The following MPRIP variants were observed in gnomAD, a reference collection of about 807,000 sequenced individuals.
MPRIP encodes myosin phosphatase Rho-interacting protein.
MPRIP carries 59 observed loss-of-function variants against 234.9 expected under a neutral mutation model. The observed-to-expected ratio is 0.25, with a 90% CI of 0.20 to 0.31. The LOEUF is 0.31. Among genes scored for constraint, MPRIP ranks in the 10% least tolerant of loss-of-function variants. The pLI is 1.00. For missense variants in MPRIP, 2,436 were observed against 3,071.0 expected, an observed-to-expected ratio of 0.79 and a Z score of 4.89; for synonymous variants, 1,144 against 1,263.9, an observed-to-expected ratio of 0.91 and a Z score of 2.01.
intron 1 of MPRIP, among the ~76,000 whole-genome samples, chr17:17,067,813 T>A (rs1005424285): frequency 3.5e-5 from 5 of 142,922 alleles, no homozygotes; most frequent in Admixed American, 2.0e-4. Flanking sequence ...TTTTTTTTTT[T>A]TAACAATTAT....
At chr17:17,168,189 G>A (rs141692881) in intron 16 of MPRIP, 7 of 312,786 alleles carry the variant, frequency 2.2e-5, no homozygotes, top group South Asian at 1.3e-4. Context: ...GCACTTCCCT[G>A]CCTGCCTAAT....
At chr17:17,060,587 C>T (rs2088839578) in intron 1 of MPRIP, among the ~76,000 whole-genome samples, 1 of 152,196 alleles carries the variant, frequency 6.6e-6, no homozygotes, top group Admixed American at 6.5e-5. Flanking sequence ...ATGCCCTAAG[C>T]CCTGGGGTCA....
At chr17:17,084,082 C>T (rs548992456) in intron 3 of MPRIP, among the ~76,000 whole-genome samples, 1 of 152,226 alleles carries the variant, frequency 6.6e-6, no homozygotes, top group Non-Finnish European at 1.5e-5. Flanking sequence ...TCGGAGCTTT[C>T]CCAGGCAGGC....
chr17:17,112,394 C>G (rs971847377), intron 3 of MPRIP, among the ~76,000 whole-genome samples: 1 of 152,200 alleles, frequency 6.6e-6, no homozygotes, highest in African/African-American at 2.4e-5. Context: ...TCTCTTCCCC[C>G]CGTATCATGA....
chr17:17,091,678 G>GA (rs1353349920), intron 3 of MPRIP, among the ~76,000 whole-genome samples: 1 of 152,200 alleles, frequency 6.6e-6, no homozygotes, highest in African/African-American at 2.4e-5. Context: ...CCTGCTTAAA[G>GA]AGGCAGGGTT....
chr17:17,182,887 A>G (rs540492863), intron 23 of MPRIP: 1 of 152,532 alleles, frequency 6.6e-6, no homozygotes, highest in African/African-American at 2.4e-5. Flanking sequence ...TCCCCCAGCC[A>G]TGCTCCGGGG....
In MPRIP at chr17:17,187,258, T is replaced by C. The variant is rs903304416; in HGVS notation, c.*2364T>C. On this transcript the variant is annotated 3_prime_UTR_variant, in exon 24 of 24. Coordinates refer to ENST00000651222, the MANE Select transcript of MPRIP (RefSeq NM_001364716.4). ...GCTGGACTTCAGGAATCCTGGAAAATTAATATGAGTGCAGCATGTGAGGGG... is the reference window on the plus strand; with the variant it reads ...GCTGGACTTCAGGAATCCTGGAAAACTAATATGAGTGCAGCATGTGAGGGG... 2.0e-5 allele frequency: 3 copies of C among 152,114 alleles called. No homozygotes were observed. The highest frequency in any genetic ancestry group is 7.2e-5 in the African/African-American group (3 of 41,406). The allele number at this position is 152,114 out of a possible 1,614,324, so 9.4% of individuals were successfully genotyped here.
Position 17,174,090 on chromosome 17 carries a change from A to G in MPRIP, c.6750+15A>G. On this transcript the variant is annotated intron_variant, in intron 19 of 23. Coordinates refer to ENST00000651222, the MANE Select transcript of MPRIP (RefSeq NM_001364716.4). ...CCCACAACCAGGTGAGCCTGCAGCCAGGTGAGCCCAAGGTTAGTCAGGGGC... is the reference window on the plus strand; with the variant it reads ...CCCACAACCAGGTGAGCCTGCAGCCGGGTGAGCCCAAGGTTAGTCAGGGGC... 1.2e-6 allele frequency: 2 copies of G among 1,612,266 alleles called. No individual in the cohort carries two copies. Among genetic ancestry groups the G allele is most frequent in the Non-Finnish European group, 8.5e-7 (1 of 1,179,282 alleles).
intron 1 of MPRIP, among the ~76,000 whole-genome samples, chr17:17,063,297 C>A (rs539029600): frequency 1.3e-5 from 2 of 152,256 alleles, no homozygotes; most frequent in East Asian, 3.9e-4. Flanking sequence ...TCATTGGAGC[C>A]CAACTTTGTA....
At chr17:17,045,379 A>AG (rs1238842783) in intron 1 of MPRIP, among the ~76,000 whole-genome samples, 2 of 152,206 alleles carry the variant, frequency 1.3e-5, no homozygotes, top group Admixed American at 1.3e-4. Flanking sequence ...AACCTCTTGC[A>AG]GGGACTGTAT....
chr17:17,154,474 A>G, intron 13 of MPRIP, 59 bp downstream of exon 13: 2 of 1,451,146 alleles, frequency 1.4e-6, no homozygotes, highest in East Asian at 4.5e-5. Flanking sequence ...CACTCCCGCC[A>G]GGGCAGTGTC....
chr17:17,142,304 T>G, intron 7 of MPRIP: 1 of 257,332 alleles, frequency 3.9e-6, no homozygotes, highest in Non-Finnish European at 7.6e-6. Context: ...TGGTGGTGGT[T>G]GCCTTTTGAT....
chr17:17,180,869 T>C (rs2046360546), intron 23 of MPRIP, among the ~76,000 whole-genome samples: 1 of 152,250 alleles, frequency 6.6e-6, no homozygotes, highest in Non-Finnish European at 1.5e-5. Context: ...GGTGCTCCTC[T>C]AGCCTGGTGG....
intron 1 of MPRIP, among the ~76,000 whole-genome samples, chr17:17,064,507 C>T (rs1299865745): frequency 6.6e-6 from 1 of 152,208 alleles, no homozygotes; most frequent in African/African-American, 2.4e-5. Context: ...GGCTGGGATA[C>T]TGACTACAAT....
At chr17:17,170,180 C>T (rs1276148147) in intron 16 of MPRIP, 2 of 142,902 alleles carry the variant, frequency 1.4e-5, no homozygotes, top group African/African-American at 5.3e-5. Context: ...ATGAAGTATT[C>T]CATATATATA....
intron 20 of MPRIP, among the ~76,000 whole-genome samples, chr17:17,175,926 C>A (rs1393659970): frequency 6.6e-6 from 1 of 152,236 alleles, no homozygotes; most frequent in African/African-American, 2.4e-5. Flanking sequence ...AGCTTTGTCT[C>A]TGTCGTGGAG....
chr17:17,071,634 GCA>G (rs2089197491), intron 1 of MPRIP, among the ~76,000 whole-genome samples: 1 of 152,208 alleles, frequency 6.6e-6, no homozygotes, highest in Non-Finnish European at 1.5e-5. Flanking sequence ...CAGACCACCA[GCA>G]GCCTCTTCCT....
In MPRIP at chr17:17,158,964, C is replaced by G; in HGVS notation, c.2362C>G (p.Leu788Val). The change falls in exon 14 of 24, where the codon CTC (leucine) becomes GTC (valine). Residue 788 changes from leucine (L) to valine (V), a missense_variant. Leu to Val is a conservative substitution (Grantham distance 32, BLOSUM62 1). This residue lies in a region of MPRIP where 1,998 missense variants were observed against 2,520.3 expected (regional missense o/e 0.79). Transcript: ENST00000651222. ...HLSSEDGGDR[L>V]STHELTSLLE... Reference sequence around the variant, plus strand: ...GTCTTCTGAAGATGGGGGTGACCGGCTCTCCACACACGAGCTGACCTCTCT... The same window carrying G: ...GTCTTCTGAAGATGGGGGTGACCGGGTCTCCACACACGAGCTGACCTCTCT... 1 of 1,612,804 alleles carries G rather than the reference C, an allele frequency of 6.2e-7. No homozygotes were observed. The highest frequency in any genetic ancestry group is 8.5e-7 in the Non-Finnish European group (1 of 1,179,914).
chr17:17,175,546 G>A, intron 20 of MPRIP, 134 bp downstream of exon 20: 1 of 1,233,152 alleles, frequency 8.1e-7, no homozygotes. Context: ...GGTCCAGGAA[G>A]ATCCAAATCA....
Sources: allele counts gnomAD v4.1 joint callset (sites outside exome capture counted in the v4.1 genomes callset), GRCh38; gene constraint gnomAD v4.1.1; regional missense constraint gnomAD v4.1.1; transcripts MANE v1.5; gene names NCBI Gene and HGNC (gene_info 2026-07-23, HGNC 2026-07-21).